LINGO2: variants seen among roughly 807,000 people sequenced by gnomAD.
LINGO2 encodes leucine-rich repeat and immunoglobulin-like domain-containing nogo receptor-interacting protein 2.
In LINGO2, 14 loss-of-function variants were observed where a neutral mutation model predicts 30.6. The ratio of observed to expected loss-of-function variants is 0.46; its 90% CI spans 0.30 to 0.72. The LOEUF is 0.72. Ranked by LOEUF, LINGO2 falls within the 30% of genes least tolerant of loss-of-function variation. LINGO2 has a pLI of 0.07. For synonymous variants in LINGO2, 317 were observed against 288.5 expected (o/e 1.10, Z -1.00); for missense variants, 729 against 751.7 (o/e 0.97, Z 0.35).
At chr9:29,189,171 G>C in the LINGO2 span, among the ~76,000 whole-genome samples, 1 of 140,364 alleles carries the variant, frequency 7.1e-6, no homozygotes, top group African/African-American at 2.6e-5. Context: ...CCTCCTGGAC[G>C]GGGCGGCTGG....
At chr9:28,458,085 G>A (rs1471588301) in intron 2 of LINGO2, among the ~76,000 whole-genome samples, 1 of 152,148 alleles carries the variant, frequency 6.6e-6, no homozygotes, top group African/African-American at 2.4e-5. Flanking sequence ...AAATTGACTT[G>A]ATGCAGATTT....
intron 4 of LINGO2, among the ~76,000 whole-genome samples, chr9:28,286,026 C>T (rs960787009): frequency 6.6e-6 from 1 of 152,118 alleles, no homozygotes; most frequent in African/African-American, 2.4e-5. Context: ...CAACATGATA[C>T]CTAATAAATG....
intron 4 of LINGO2, among the ~76,000 whole-genome samples, chr9:28,264,758 A>T (rs1343037764): frequency 6.6e-6 from 1 of 151,984 alleles, no homozygotes; most frequent in Non-Finnish European, 1.5e-5. Context: ...TCTTCCTGTG[A>T]TAGTTTCATG....
chr9:28,738,557 G>A, the LINGO2 span, among the ~76,000 whole-genome samples: 3 of 151,806 alleles, frequency 2.0e-5, no homozygotes, highest in Non-Finnish European at 2.9e-5. Flanking sequence ...TCAGTATGGC[G>A]TATTTCTGCT....
chr9:28,952,026 T>C, the LINGO2 span, among the ~76,000 whole-genome samples: 1 of 152,022 alleles, frequency 6.6e-6, no homozygotes, highest in Non-Finnish European at 1.5e-5. Context: ...ATGGCGATTA[T>C]TAAAAAGGGT....
chr9:28,535,656 T>A (rs549199388), intron 1 of LINGO2, among the ~76,000 whole-genome samples: 7 of 151,934 alleles, frequency 4.6e-5, no homozygotes, highest in African/African-American at 1.7e-4. Context: ...TAATACCACA[T>A]CCATGTGCAC....
intron 2 of LINGO2, among the ~76,000 whole-genome samples, chr9:28,389,633 G>A (rs1374074294): frequency 3.3e-5 from 5 of 152,106 alleles, no homozygotes; most frequent in African/African-American, 1.2e-4. Flanking sequence ...GCATCACCCT[G>A]CAGGGAGCCT....
intron 5 of LINGO2, among the ~76,000 whole-genome samples, chr9:27,974,489 C>T (rs1476294307): frequency 6.6e-6 from 1 of 152,102 alleles, no homozygotes; most frequent in Non-Finnish European, 1.5e-5. Context: ...CAAAGGCCTG[C>T]AGGTACTCCT....
At chr9:28,470,383 A>G (rs1203048559) in intron 2 of LINGO2, among the ~76,000 whole-genome samples, 1 of 152,220 alleles carries the variant, frequency 6.6e-6, no homozygotes, top group Non-Finnish European at 1.5e-5. Context: ...TGTCTCAACA[A>G]CATATCATCC....
the LINGO2 span, among the ~76,000 whole-genome samples, chr9:28,950,787 G>A: frequency 6.6e-6 from 1 of 152,088 alleles, no homozygotes; most frequent in Admixed American, 6.6e-5. Flanking sequence ...TAATGGATAG[G>A]AAGAATCAAT....
intron 4 of LINGO2, among the ~76,000 whole-genome samples, chr9:28,018,573 A>T (rs1214386082): frequency 6.6e-6 from 1 of 152,216 alleles, no homozygotes; most frequent in Admixed American, 6.5e-5. Flanking sequence ...ACATGCAGCT[A>T]ATAAGCATAT....
chr9:27,980,077 TTAG>T (rs1820784260), intron 5 of LINGO2, among the ~76,000 whole-genome samples: 1 of 151,816 alleles, frequency 6.6e-6, no homozygotes, highest in Non-Finnish European at 1.5e-5. Flanking sequence ...TCAGAGTACT[TTAG>T]TTAATACCTC....
chr9:28,839,558 G>T, the LINGO2 span, among the ~76,000 whole-genome samples: 2 of 152,162 alleles, frequency 1.3e-5, no homozygotes, highest in Non-Finnish European at 2.9e-5. Flanking sequence ...GCTATCAGCT[G>T]CTGAGAGGAG....
chr9:28,902,914 A>G, the LINGO2 span, among the ~76,000 whole-genome samples: 1 of 151,960 alleles, frequency 6.6e-6, no homozygotes, highest in Non-Finnish European at 1.5e-5. Flanking sequence ...AAACACCTAC[A>G]TAAAAAATAA....
At chr9:28,963,543 T>TACACACACAC in the LINGO2 span, among the ~76,000 whole-genome samples, 7,125 of 140,722 alleles carry the variant, frequency 0.051, 205 homozygotes, top group African/African-American at 0.09. Flanking sequence ...GGTATATGAA[T>TACACACACAC]ACACACACAC....
intron 1 of LINGO2, among the ~76,000 whole-genome samples, chr9:28,636,798 T>C (rs1226901632): frequency 2.0e-5 from 3 of 152,306 alleles, no homozygotes; most frequent in African/African-American, 7.2e-5. Flanking sequence ...GTTAGTTTCT[T>C]TTGCTGTGCA....
At chr9:28,391,865 C>G (rs749261049) in intron 2 of LINGO2, among the ~76,000 whole-genome samples, 2 of 152,068 alleles carry the variant, frequency 1.3e-5, no homozygotes, top group African/African-American at 4.8e-5. Flanking sequence ...AAAAATAATT[C>G]TTAGTAAGAA....
At chr9:28,933,063 T>A in the LINGO2 span, among the ~76,000 whole-genome samples, 7 of 152,002 alleles carry the variant, frequency 4.6e-5, no homozygotes, top group African/African-American at 1.4e-4. Flanking sequence ...TACACCACCA[T>A]GCCTGGCTAA....
chr9:28,931,149 G>T, the LINGO2 span, among the ~76,000 whole-genome samples: 1 of 152,122 alleles, frequency 6.6e-6, no homozygotes, highest in Non-Finnish European at 1.5e-5. Context: ...ATACTCCATG[G>T]TATGATGTCA....
Sources: allele counts gnomAD v4.1 joint callset (sites outside exome capture counted in the v4.1 genomes callset), GRCh38; gene constraint gnomAD v4.1.1; transcripts MANE v1.5; gene names NCBI Gene and HGNC (gene_info 2026-07-23, HGNC 2026-07-21).